TSPEAR: variants seen among roughly 807,000 people sequenced by gnomAD.
The protein encoded by TSPEAR is thrombospondin type laminin G domain and EAR repeats, also known as thrombospondin-type laminin G domain and EAR repeat-containing protein.
TSPEAR carries 69 observed loss-of-function variants against 71.6 expected under a neutral mutation model. The observed-to-expected ratio is 0.96, with a 90% CI of 0.79 to 1.18. TSPEAR has a LOEUF of 1.18. Among genes scored for constraint, TSPEAR ranks in the 50% most tolerant of loss-of-function variants. TSPEAR has a pLI of 0.00. For missense variants in TSPEAR, 971 were observed against 894.9 expected, an observed-to-expected ratio of 1.09 and a Z score of -1.09; for synonymous variants, 402 against 387.2, an observed-to-expected ratio of 1.04 and a Z score of -0.45.
chr21:44,608,719 TA>T (rs1233766853), intron 1 of TSPEAR, among the ~76,000 whole-genome samples: 2 of 152,208 alleles, frequency 1.3e-5, no homozygotes, highest in Non-Finnish European at 2.9e-5. Context: ...AAACAAATTT[TA>T]AAAGACTGAT....
chr21:44,526,734 G>A (rs949427644), intron 7 of TSPEAR, among the ~76,000 whole-genome samples: 6 of 152,160 alleles, frequency 3.9e-5, no homozygotes, highest in East Asian at 1.9e-4. Flanking sequence ...GGGAGTGGAC[G>A]GAGCTGGGAA....
At chr21:44,610,517 C>T (rs938206181) in intron 1 of TSPEAR, among the ~76,000 whole-genome samples, 32 of 152,356 alleles carry the variant, frequency 2.1e-4, no homozygotes, top group South Asian at 8.3e-4. Context: ...TATATGGAAA[C>T]GCATGGATGC....
At position 44,529,897 on chromosome 21, in the gene TSPEAR, GAC is replaced by G; in HGVS notation, c.689_690del (p.Cys230SerfsTer26). ...ACCGCCAGCGGGGCGTTCCTGCTGG[GAC>G]ACAGCCTTGGGGTGGCGTCTGAGCC... ...LPGSDATPRL[C>X]PSRNAPLAVL... On this transcript the variant is annotated frameshift_variant, in exon 5 of 12. Transcript: ENST00000323084. LOFTEE classifies it high-confidence loss of function. 6.2e-7 allele frequency: 1 copy of G among 1,612,896 alleles called. No individual in the cohort carries two copies. The highest frequency in any genetic ancestry group is 8.5e-7 in the Non-Finnish European group (1 of 1,179,840).
In TSPEAR at chr21:44,550,747, C is replaced by T. The variant is rs372190068; in HGVS notation, c.304-16824G>A. ...CTGCAGGAGGCTGGGCGGGAGCACA[C>T]GGGGCGGCAGAGGAGGGACACAGAG... On this transcript the variant is annotated intron_variant, in intron 2 of 11. Transcript: ENST00000323084. The T allele has an allele frequency of 3.0e-5, 48 of 1,613,994 alleles. No homozygotes were observed. The highest frequency in any genetic ancestry group is 3.3e-5 in the Non-Finnish European group (39 of 1,180,022).
intron 1 of TSPEAR, among the ~76,000 whole-genome samples, chr21:44,591,061 C>T (rs781987431): frequency 3.0e-4 from 45 of 151,860 alleles, no homozygotes; most frequent in Admixed American, 8.5e-4. Flanking sequence ...CATCACTTCC[C>T]ACCTCACCCT....
chr21:44,658,536 CCTCGTCT>C (rs1555943066), intron 1 of TSPEAR, among the ~76,000 whole-genome samples: 1 of 152,220 alleles, frequency 6.6e-6, no homozygotes, highest in African/African-American at 2.4e-5. Flanking sequence ...TCCCTATACA[CCTCGTCT>C]CTCTCTTTTA....
intron 1 of TSPEAR, among the ~76,000 whole-genome samples, chr21:44,575,595 C>T (rs1179148719): frequency 2.6e-5 from 4 of 152,298 alleles, no homozygotes; most frequent in African/African-American, 7.2e-5. Flanking sequence ...TGTTGTTAGT[C>T]GTGTCATAGT....
intron 1 of TSPEAR, chr21:44,602,080 C>T (rs587627723): frequency 3.6e-5 from 15 of 412,500 alleles, no homozygotes; most frequent in African/African-American, 3.0e-4. Flanking sequence ...GCGAGCCCTG[C>T]TCCTCCCCTG....
chr21:44,681,811 C>T (rs782684249), intron 1 of TSPEAR: 32 of 1,590,694 alleles, frequency 2.0e-5, no homozygotes, highest in Non-Finnish European at 2.7e-5. Flanking sequence ...GCACTGGGAG[C>T]AGCGGGTCTG....
chr21:44,555,342 C>T (rs369470833), intron 2 of TSPEAR, among the ~76,000 whole-genome samples: 98 of 151,776 alleles, frequency 6.5e-4, no homozygotes, highest in Non-Finnish European at 1.2e-3. Context: ...CGACGGCTGC[C>T]GGGGCCCACA....
At chr21:44,698,237 T>C (rs1676295757) in intron 1 of TSPEAR, among the ~76,000 whole-genome samples, 1 of 152,170 alleles carries the variant, frequency 6.6e-6, no homozygotes, top group South Asian at 2.1e-4. Flanking sequence ...TGTAGGACCA[T>C]GCTTGGAAGT....
Position 44,550,667 on chromosome 21 carries a change from G to A in TSPEAR, c.304-16744C>T, listed in dbSNP as rs143732154. On this transcript the variant is annotated intron_variant, in intron 2 of 11. Coordinates refer to ENST00000323084, the MANE Select transcript of TSPEAR (RefSeq NM_144991.3). ...TGGCAGGGAGGTGGGGCCTGAGCCC[G>A]GCTGGCCCTGGGGGACATGGCCATC... is the stretch of plus-strand genomic sequence containing the variant. 1.1e-3 allele frequency: 1,840 copies of A among 1,610,178 alleles called. 34 individuals carry two copies. In the East Asian group the frequency reaches 0.033, roughly 29 times the overall value.
intron 1 of TSPEAR, among the ~76,000 whole-genome samples, chr21:44,674,868 A>G (rs1555946640): frequency 6.6e-6 from 1 of 150,956 alleles, no homozygotes; most frequent in African/African-American, 2.4e-5. Context: ...ACCTACCAAG[A>G]TTGAATTAAA....
intron 8 of TSPEAR, among the ~76,000 whole-genome samples, chr21:44,524,404 T>TA (rs1555914672): frequency 6.6e-6 from 1 of 150,926 alleles, no homozygotes; most frequent in Non-Finnish European, 1.5e-5. Context: ...GAGAGTCAGG[T>TA]AATTAGGTAG....
At chr21:44,657,840 A>T in intron 1 of TSPEAR, 3 of 780,186 alleles carry the variant, frequency 3.8e-6, no homozygotes, top group Non-Finnish European at 6.3e-6. Flanking sequence ...TGGGAAACAC[A>T]GTGGAAACAA....
chr21:44,624,435 C>T (rs1209887090), intron 1 of TSPEAR, among the ~76,000 whole-genome samples: 1 of 152,140 alleles, frequency 6.6e-6, no homozygotes, highest in Non-Finnish European at 1.5e-5. Context: ...CTTCTAGTAG[C>T]CCTAGTAATT....
intron 2 of TSPEAR, chr21:44,558,766 G>T: frequency 6.4e-7 from 1 of 1,559,690 alleles, no homozygotes; most frequent in Non-Finnish European, 8.7e-7. Context: ...AGTGAGTGTG[G>T]GAGTGAGTGA....
intron 1 of TSPEAR, among the ~76,000 whole-genome samples, chr21:44,691,448 G>A (rs1987120806): frequency 6.6e-6 from 1 of 152,088 alleles, no homozygotes; most frequent in Admixed American, 6.6e-5. Context: ...GAACATCAAG[G>A]ACCTATTCAT....
At chr21:44,633,242 A>G (rs1314354243) in intron 1 of TSPEAR, among the ~76,000 whole-genome samples, 1 of 152,182 alleles carries the variant, frequency 6.6e-6, no homozygotes, top group Admixed American at 6.5e-5. Flanking sequence ...TTCTACATAT[A>G]ATCTTTATTT....
Sources: gnomAD v4.1 joint callset for allele counts (sites outside exome capture counted in the v4.1 genomes callset) on GRCh38, gnomAD v4.1.1 for gene constraint, MANE v1.5 for transcripts, NCBI Gene and HGNC (gene_info 2026-07-23, HGNC 2026-07-21) for gene names.